CWC27: variants seen among roughly 807,000 people sequenced by gnomAD.
The protein encoded by CWC27 is spliceosome-associated protein CWC27 homolog.
In CWC27, 47 loss-of-function variants were observed where a neutral mutation model predicts 63.6. That is an observed-to-expected ratio of 0.74 (90% CI 0.58 to 0.94). The LOEUF (loss-of-function observed/expected upper bound fraction) is 0.94, where lower values mean the gene tolerates loss of function less well. CWC27 is among the 40% of genes least tolerant of loss of function. The pLI, the probability that CWC27 is intolerant of heterozygous loss-of-function variation, is 0.00. For synonymous variants in CWC27, 175 were observed against 179.8 expected (o/e 0.97, Z 0.22); for missense variants, 495 against 554.3 (o/e 0.89, Z 1.07).
chr5:64,814,403 T>C (rs62369295), intron 10 of CWC27, among the ~76,000 whole-genome samples: 21,453 of 152,154 alleles, frequency 0.14, 2,092 homozygotes, highest in East Asian at 0.38. Flanking sequence ...GAAGGGTTCA[T>C]AGGTGTTCTG....
intron 11 of CWC27, among the ~76,000 whole-genome samples, chr5:64,911,650 T>G (rs1199514714): frequency 2.0e-5 from 3 of 152,182 alleles, no homozygotes; most frequent in African/African-American, 7.2e-5. Flanking sequence ...TGTGGTGTTT[T>G]TAACAGTCTC....
At chr5:64,951,635 C>A (rs1256501512) in intron 11 of CWC27, among the ~76,000 whole-genome samples, 1 of 151,900 alleles carries the variant, frequency 6.6e-6, no homozygotes, top group Admixed American at 6.6e-5. Context: ...TTAGCTATCA[C>A]CTGTTACAGC....
At chr5:64,903,697 A>C (rs1747561180) in intron 11 of CWC27, among the ~76,000 whole-genome samples, 1 of 152,158 alleles carries the variant, frequency 6.6e-6, no homozygotes, top group Non-Finnish European at 1.5e-5. Flanking sequence ...ATAAAATAAA[A>C]AATAAAAATA....
rs1364310453 is a variant in CWC27 at position 64,783,893 on chromosome 5, G to A, written c.310G>A (p.Ala104Thr). 5 of 1,606,710 alleles carry A rather than the reference G, an allele frequency of 3.1e-6. No homozygotes were observed. Among genetic ancestry groups the A allele is most frequent in the Non-Finnish European group, 3.4e-6 (4 of 1,176,964 alleles). ...GAGAGGACTGGTTGCCATGGCAAAT[G>A]CTGGTTCTCATGATAATGGCAGCCA... ...NRRGLVAMAN[A>T]GSHDNGSQFF... The change falls in exon 4 of 14, where the codon GCT becomes ACT. Residue 104 changes from alanine (A) to threonine (T), a missense_variant. Physicochemically the swap from Ala to Thr is moderately conservative, Grantham distance 58. This residue lies in a region of CWC27 where 463 missense variants were observed against 498.1 expected (regional missense o/e 0.93). Coordinates refer to ENST00000381070, the MANE Select transcript of CWC27 (RefSeq NM_005869.4).
At chr5:64,977,544 A>G (rs1167305240) in intron 13 of CWC27, among the ~76,000 whole-genome samples, 1 of 152,192 alleles carries the variant, frequency 6.6e-6, no homozygotes, top group Non-Finnish European at 1.5e-5. Context: ...TGTGGAAAAG[A>G]TGAGACTCAC....
intron 10 of CWC27, among the ~76,000 whole-genome samples, chr5:64,851,627 T>C (rs1746135445): frequency 2.0e-5 from 3 of 152,208 alleles, no homozygotes. Context: ...CCACATTGTA[T>C]TCATAAATCA....
intron 13 of CWC27, among the ~76,000 whole-genome samples, chr5:65,016,499 A>G (rs1317483124): frequency 1.3e-5 from 2 of 152,104 alleles, no homozygotes; most frequent in Non-Finnish European, 2.9e-5. Flanking sequence ...ATAATGAAGT[A>G]TAAAAATGTG....
chr5:64,925,568 T>G (rs948344304), intron 11 of CWC27, among the ~76,000 whole-genome samples: 2 of 152,206 alleles, frequency 1.3e-5, no homozygotes, highest in African/African-American at 4.8e-5. Flanking sequence ...AAGGCTCTTA[T>G]TGGCCAGTGC....
At chr5:64,824,995 G>A (rs1309306947) in intron 10 of CWC27, among the ~76,000 whole-genome samples, 2 of 152,044 alleles carry the variant, frequency 1.3e-5, no homozygotes, top group Non-Finnish European at 2.9e-5. Flanking sequence ...GCCTCCCAAA[G>A]TGCTAGGATT....
intron 9 of CWC27, among the ~76,000 whole-genome samples, chr5:64,803,461 T>C (rs1386347327): frequency 2.6e-5 from 4 of 152,122 alleles, no homozygotes; most frequent in Non-Finnish European, 4.4e-5. Context: ...TTAAAATATA[T>C]GGTGTATCAG....
Position 64,786,509 on chromosome 5 carries a change from T to G in CWC27, c.496-15T>G. 2.1e-6 allele frequency: 3 copies of G among 1,461,280 alleles called. No individual in the cohort carries two copies. The highest frequency in any genetic ancestry group is 2.8e-6 in the Non-Finnish European group (3 of 1,083,004). 90.5% of individuals were successfully genotyped at this position (1,461,280 alleles called of 1,614,324 possible). A position where few individuals can be genotyped will look rare whatever the true frequency, so the allele number is the denominator to read the frequency against. On this transcript the variant is annotated splice_polypyrimidine_tract_variant and intron_variant, in intron 5 of 13. Coordinates refer to ENST00000381070, the MANE Select transcript of CWC27 (RefSeq NM_005869.4). ...TAAAAATGGAATAATGTTTTCGAAA[T>G]ATTTTTTTTCATAGGTTTTGTTTAA...
At chr5:64,885,418 T>C in intron 10 of CWC27, 25 bp from the exon 11 acceptor site, 2 of 1,492,036 alleles carry the variant, frequency 1.3e-6, no homozygotes, top group East Asian at 2.4e-5. Context: ...TATTATATAC[T>C]TATATAACTC....
chr5:64,825,787 T>G (rs1354640858), intron 10 of CWC27, among the ~76,000 whole-genome samples: 1 of 152,214 alleles, frequency 6.6e-6, no homozygotes, highest in Non-Finnish European at 1.5e-5. Context: ...CATCAAAAAC[T>G]AATCTAGGTG....
chr5:64,782,484 T>TAAATA lies in CWC27; in HGVS notation c.252+451_252+452insAAATA, dbSNP rs1561403491. ...TAAATAAATAAATAAATAAATAAAT[T>TAAATA]GTCTGTAAAAGATGCATTAATCAAG... is the stretch of plus-strand genomic sequence containing the variant. On this transcript the variant is annotated intron_variant, in intron 3 of 13. Transcript: ENST00000381070. 2.2e-4 allele frequency among the ~76,000 whole-genome samples: 8 copies of TAAATA among 36,768 alleles called. No individual in the cohort carries two copies. The East Asian group carries it at 8.0e-3, about 37-fold the overall frequency. 24.1% of individuals were successfully genotyped at this position (36,768 alleles called of 152,430 possible).
intron 10 of CWC27, among the ~76,000 whole-genome samples, chr5:64,811,135 A>T (rs1264118701): frequency 6.6e-6 from 1 of 152,128 alleles, no homozygotes; most frequent in Admixed American, 6.6e-5. Context: ...TCTAATATCC[A>T]GCCAAGGTTG....
chr5:64,862,332 G>T (rs1472394803), intron 10 of CWC27, among the ~76,000 whole-genome samples: 2 of 151,248 alleles, frequency 1.3e-5, no homozygotes, highest in Non-Finnish European at 2.9e-5. Context: ...AAATAATTTA[G>T]GCATATCAGG....
intron 10 of CWC27, among the ~76,000 whole-genome samples, chr5:64,871,379 A>G (rs1746672733): frequency 6.6e-6 from 1 of 152,126 alleles, no homozygotes; most frequent in Admixed American, 6.6e-5. Context: ...TATGGAGAAC[A>G]TGGCATGGAA....
chr5:64,879,123 A>C (rs542909171), intron 10 of CWC27, among the ~76,000 whole-genome samples: 4 of 152,014 alleles, frequency 2.6e-5, no homozygotes, highest in African/African-American at 4.8e-5. Flanking sequence ...GGAAAGATGT[A>C]GTAAGTAAGC....
At chr5:64,953,818 A>G (rs980125068) in intron 11 of CWC27, among the ~76,000 whole-genome samples, 4 of 151,972 alleles carry the variant, frequency 2.6e-5, no homozygotes, top group Non-Finnish European at 5.9e-5. Flanking sequence ...GGCTTTCTAG[A>G]TCTCATTAGA....
Sources: gnomAD v4.1 joint callset for allele counts (sites outside exome capture counted in the v4.1 genomes callset) on GRCh38, gnomAD v4.1.1 for gene constraint, gnomAD v4.1.1 regional missense constraint, MANE v1.5 for transcripts, NCBI Gene and HGNC (gene_info 2026-07-23, HGNC 2026-07-21) for gene names.